RGS3: variants seen among roughly 807,000 people sequenced by gnomAD.
RGS3 encodes regulator of G protein signaling 3, also known as regulator of G-protein signalling 3.
In RGS3, 80 loss-of-function variants were observed where a neutral mutation model predicts 132.6. The ratio of observed to expected loss-of-function variants is 0.60; its 90% CI spans 0.50 to 0.73. The LOEUF is 0.73. RGS3 is among the 30% of genes least tolerant of loss of function. The probability of loss-of-function intolerance (pLI) is 0.00; values close to 1 mark genes in which losing one functional copy is unlikely to be tolerated. For synonymous variants in RGS3, 598 were observed against 620.6 expected, an observed-to-expected ratio of 0.96 and a Z score of 0.54; for missense variants, 1,382 against 1,530.8, an observed-to-expected ratio of 0.90 and a Z score of 1.62.
intron 10 of RGS3, chr9:113,501,716 C>A: frequency 7.4e-7 from 1 of 1,356,378 alleles, no homozygotes; most frequent in Non-Finnish European, 1.0e-6. Flanking sequence ...TCGCTCCTCA[C>A]AAGGTCTTCT....
upstream of RGS3, among the ~76,000 whole-genome samples, chr9:113,459,532 T>C (rs1041184651): frequency 2.0e-5 from 3 of 152,118 alleles, no homozygotes; most frequent in Admixed American, 1.3e-4. Flanking sequence ...TACGGTTCAC[T>C]TGAGGTCAGG....
At chr9:113,596,959 A>C (rs529612623) in exon 25 of RGS3, 1 of 1,592,592 alleles carries the variant, frequency 6.3e-7, no homozygotes, top group East Asian at 2.2e-5. Context: ...TTTAGGGGCC[A>C]CTGGAGTCGA....
intron 5 of RGS3, among the ~76,000 whole-genome samples, chr9:113,483,378 T>C (rs1023947143): frequency 4.6e-5 from 7 of 152,212 alleles, no homozygotes; most frequent in Non-Finnish European, 1.0e-4. Context: ...GCAGTGAGTA[T>C]GTGGATGGCT....
chr9:113,566,105 G>A (rs1375902638), intron 19 of RGS3, among the ~76,000 whole-genome samples: 1 of 152,154 alleles, frequency 6.6e-6, no homozygotes, highest in East Asian at 1.9e-4. Flanking sequence ...GTTGGCTATT[G>A]TATCAGGGGT....
In RGS3 at chr9:113,537,908, T is replaced by C. The variant is rs1832746775; in HGVS notation, c.2037+990T>C. On this transcript the variant is annotated intron_variant, in intron 19 of 24. Coordinates refer to ENST00000350696, the Ensembl canonical transcript of RGS3. This position sits in a 1 kb window ranked among gnomAD's most constrained non-coding sequence, Gnocchi z 4.3. ...GCTCCCCAGCTATTCCCGAAAGGAGTGAGGATCTGAGAATTACATCATCTT... is the reference window on the plus strand; with the variant it reads ...GCTCCCCAGCTATTCCCGAAAGGAGCGAGGATCTGAGAATTACATCATCTT... Among the ~76,000 whole-genome samples the C allele has an allele frequency of 6.6e-6, 1 of 151,988 alleles. No individual in the cohort carries two copies. Among genetic ancestry groups the C allele is most frequent in the Non-Finnish European group, 1.5e-5 (1 of 67,982 alleles).
In RGS3 at chr9:113,537,886, C is replaced by G. The variant is rs1247455181; in HGVS notation, c.2037+968C>G. On this transcript the variant is annotated intron_variant, in intron 19 of 24. Transcript: ENST00000350696. The surrounding 1 kb of genome is among the most constrained non-coding windows in gnomAD (Gnocchi z 4.3). ...TGAGGGCCAGAGGTGGACAGCAGCT[C>G]CCCAGCTATTCCCGAAAGGAGTGAG... Among the ~76,000 whole-genome samples the G allele has an allele frequency of 6.6e-6, 1 of 152,160 alleles. No homozygotes were observed. The highest frequency in any genetic ancestry group is 1.5e-5 in the Non-Finnish European group (1 of 68,018).
At chr9:113,511,413 A>T (rs1481839564) in intron 14 of RGS3, among the ~76,000 whole-genome samples, 6 of 152,096 alleles carry the variant, frequency 3.9e-5, no homozygotes, top group Non-Finnish European at 7.3e-5. Flanking sequence ...AAAAAAAAAA[A>T]AAATCAGTTT....
rs192476758 is a variant in RGS3 at position 113,454,817 on chromosome 9, T to G, written c.-12-5428T>G. Among the ~76,000 whole-genome samples, 15 of 151,908 alleles carry G rather than the reference T, an allele frequency of 9.9e-5. No homozygotes were observed. In the East Asian group the frequency reaches 2.9e-3, roughly 29 times the overall value. On this transcript the variant is annotated intron_variant, in intron 1 of 25. Coordinates refer to the RGS3 transcript ENST00000374140. The stretch of plus-strand genomic sequence containing the variant: ...CTAAGGAATTAGAAGGTCTTTCCAC[T>G]CTGGTTGATGAGCTTAAGAACTATT...
At chr9:113,586,211 A>C (rs1218691674) in intron 20 of RGS3, among the ~76,000 whole-genome samples, 1 of 152,214 alleles carries the variant, frequency 6.6e-6, no homozygotes, top group East Asian at 1.9e-4. Context: ...AGGCTCATTC[A>C]GATCAGGCCT....
chr9:113,560,774 G>T (rs1046781921), intron 19 of RGS3, among the ~76,000 whole-genome samples: 7 of 152,220 alleles, frequency 4.6e-5, no homozygotes, highest in Non-Finnish European at 1.0e-4. Context: ...AGCTTGGACT[G>T]GGGTGGCCAT....
intron 7 of RGS3, among the ~76,000 whole-genome samples, chr9:113,486,960 T>A (rs1830349389): frequency 6.6e-6 from 1 of 151,944 alleles, no homozygotes; most frequent in African/African-American, 2.4e-5. Context: ...ATGCATAGGG[T>A]CAAAGACTTT....
At chr9:113,594,105 GC>G (rs746821565) in intron 21 of RGS3, 12 of 1,612,940 alleles carry the variant, frequency 7.4e-6, no homozygotes, top group Admixed American at 3.3e-5. Context: ...CTGAGTCCCA[GC>G]CCCGGCTTGT....
exon 9 of RGS3, chr9:113,497,347 C>T (rs1431380764): frequency 6.2e-7 from 1 of 1,613,670 alleles, no homozygotes; most frequent in African/African-American, 1.3e-5. Context: ...CCTAGGGGAG[C>T]ACCTGGGCCG....
chr9:113,493,755 G>A (rs1425240419), intron 7 of RGS3, among the ~76,000 whole-genome samples: 2 of 152,108 alleles, frequency 1.3e-5, no homozygotes, highest in East Asian at 3.9e-4. Flanking sequence ...ACCCCACCTT[G>A]GACCAACTAA....
chr9:113,516,993 T>G (rs1371862284), intron 15 of RGS3, among the ~76,000 whole-genome samples: 1 of 151,974 alleles, frequency 6.6e-6, no homozygotes, highest in East Asian at 1.9e-4. Context: ...CTGGGCAAGG[T>G]GAGGGAGTAG....
At chr9:113,525,175 T>C (rs1029409978) in intron 17 of RGS3, among the ~76,000 whole-genome samples, 1 of 152,012 alleles carries the variant, frequency 6.6e-6, no homozygotes, top group East Asian at 1.9e-4. Flanking sequence ...CTGGATTTTT[T>C]TGGATAGATG....
chr9:113,596,944 C>T (rs760261234), exon 25 of RGS3: 37 of 1,605,262 alleles, frequency 2.3e-5, no homozygotes, highest in South Asian at 4.5e-5. Context: ...AGATGAGTCC[C>T]CCGCTTTAGG....
chr9:113,519,711 A>G (rs1831846124), intron 16 of RGS3, among the ~76,000 whole-genome samples: 1 of 151,742 alleles, frequency 6.6e-6, no homozygotes, highest in Non-Finnish European at 1.5e-5. Context: ...GCTAAATTGT[A>G]GAGCATTCTC....
intron 10 of RGS3, among the ~76,000 whole-genome samples, chr9:113,503,204 C>T (rs1034949317): frequency 2.0e-5 from 3 of 152,226 alleles, no homozygotes; most frequent in Admixed American, 6.5e-5. Context: ...CGGGGCAGGG[C>T]TGCTCCTTTC....
Sources: gnomAD v4.1 joint callset for allele counts (sites outside exome capture counted in the v4.1 genomes callset) on GRCh38, gnomAD v4.1.1 for gene constraint, Gnocchi (gnomAD v3.1) non-coding constraint, MANE v1.5 for transcripts, NCBI Gene and HGNC (gene_info 2026-07-23, HGNC 2026-07-21) for gene names.